Variants in DTNA observed in about 807,000 individuals in gnomAD.
DTNA encodes dystrophin-related protein 3.
Under a neutral mutation model 100.7 loss-of-function variants are expected in DTNA, and 43 were observed. The observed-to-expected ratio is 0.43, with a 90% CI of 0.33 to 0.55. The LOEUF (loss-of-function observed/expected upper bound fraction) is 0.55, where lower values mean the gene tolerates loss of function less well. DTNA is among the 20% of genes least tolerant of loss of function. The pLI is 0.04. For missense variants in DTNA, 798 were observed against 953.9 expected, an observed-to-expected ratio of 0.84 and a Z score of 2.15; for synonymous variants, 349 against 347.9, an observed-to-expected ratio of 1.00 and a Z score of -0.04.
In DTNA at chr18:34,656,210, T is replaced by C. The variant is rs73414435; in HGVS notation, c.-1-99766T>C. Among the ~76,000 whole-genome samples the C allele has an allele frequency of 9.2e-3, 1,408 of 152,356 alleles. 21 individuals are homozygous for C. The highest frequency in any genetic ancestry group is 0.032 in the African/African-American group (1,330 of 41,582). ...GCTTTTATCTCTTGAATTAGACATG[T>C]ATCAGTTATGAATTTTATTTCCAAT... On this transcript the variant is annotated intron_variant, in intron 1 of 19. Coordinates refer to the DTNA transcript ENST00000283365.
At position 34,820,851 on chromosome 18, in the gene DTNA, C is replaced by A. The variant is rs536920784; in HGVS notation, c.937C>A (p.Arg313Ser). ...LSKSLSCASS[R>S]EPLHPMFPDQ... ...CAAGTCCCTGAGCTGTGCTTCCAGC[C>A]GTGAACCTTTGCACCCCATGTTCCC... Residue 313 changes from arginine to serine, a missense_variant, in exon 9 of 23, where the codon CGT (arginine) becomes AGT (serine). By Grantham distance (110) the Arg-to-Ser change is moderately radical. Around this residue, in one of 6 missense-constraint regions of DTNA, gnomAD observed 93 missense variants for 90.5 expected, o/e 1.03. Coordinates refer to ENST00000444659, the MANE Select transcript of DTNA (RefSeq NM_001386795.1). 13 of 1,614,108 alleles carry A rather than the reference C, an allele frequency of 8.1e-6. No homozygotes were observed. The East Asian group carries it at 2.7e-4, about 33-fold the overall frequency.
At chr18:34,656,000 C>T (rs979690425) in intron 1 of DTNA, among the ~76,000 whole-genome samples, 8 of 152,216 alleles carry the variant, frequency 5.3e-5, no homozygotes, top group African/African-American at 9.7e-5. Context: ...TTTACACACA[C>T]GTGTGCACAC....
intron 1 of DTNA, among the ~76,000 whole-genome samples, chr18:34,536,585 T>C (rs1180669377): frequency 1.3e-5 from 2 of 151,964 alleles, no homozygotes; most frequent in Admixed American, 1.3e-4. Context: ...GAGTTATTTT[T>C]CTGTCAGTTT....
At chr18:34,838,060 A>C in intron 11 of DTNA, 34 bp from the exon 12 acceptor site, 1 of 1,604,964 alleles carries the variant, frequency 6.2e-7, no homozygotes, top group South Asian at 1.1e-5. Context: ...TGCCGTGTTT[A>C]CGCTCTTCTT....
intron 1 of DTNA, among the ~76,000 whole-genome samples, chr18:34,672,213 G>A (rs2076853412): frequency 6.6e-6 from 1 of 151,976 alleles, no homozygotes; most frequent in Non-Finnish European, 1.5e-5. Context: ...CTGTGGGGTG[G>A]CATTTATCTA....
At position 34,520,569 on chromosome 18, in the gene DTNA, G is replaced by T. The variant is rs145826249; in HGVS notation, c.-2+27055G>T. On this transcript the variant is annotated intron_variant, in intron 1 of 19. Transcript: ENST00000283365. ...CTAGGGAGACTGAGACAGAAGAGTT[G>T]CTTGAACGCTGGAGGCAAAGGTTGC... 2.9e-3 allele frequency among the ~76,000 whole-genome samples: 446 copies of T among 152,222 alleles called. 1 individual carries two copies. Among genetic ancestry groups the T allele is most frequent in the African/African-American group, 0.01 (426 of 41,530 alleles).
intron 17 of DTNA, chr18:34,867,683 A>C: frequency 1.0e-6 from 1 of 986,780 alleles, no homozygotes; most frequent in South Asian, 4.7e-5. Context: ...TCCCTTGGGG[A>C]TACTTTCCAG....
At position 34,731,335 on chromosome 18, in the gene DTNA, C is replaced by T. The variant is rs534081044; in HGVS notation, c.-2+20890C>T. Among the ~76,000 whole-genome samples, 17 of 151,950 alleles carry T rather than the reference C, an allele frequency of 1.1e-4. No individual in the cohort carries two copies. The East Asian group carries it at 3.1e-3, about 28-fold the overall frequency. ...TCTATTAAAAATACAAAAAATTAGC[C>T]GGGCGCGGTGGCGGGCGCCTGTAGT... is the stretch of plus-strand genomic sequence containing the variant. On this transcript the variant is annotated intron_variant, in intron 1 of 22. Transcript: ENST00000444659.
At chr18:34,801,678 T>C (rs1234668305) in intron 4 of DTNA, among the ~76,000 whole-genome samples, 1 of 151,828 alleles carries the variant, frequency 6.6e-6, no homozygotes, top group Non-Finnish European at 1.5e-5. Flanking sequence ...GCCCGGCTAA[T>C]TTTTTGTATT....
intron 1 of DTNA, among the ~76,000 whole-genome samples, chr18:34,536,766 A>G (rs1050400403): frequency 6.6e-6 from 1 of 152,058 alleles, no homozygotes; most frequent in Non-Finnish European, 1.5e-5. Context: ...TAAATTAAAT[A>G]AATAAAAACC....
chr18:34,633,220 A>G (rs1427283030), intron 1 of DTNA, among the ~76,000 whole-genome samples: 1 of 152,140 alleles, frequency 6.6e-6, no homozygotes, highest in African/African-American at 2.4e-5. Flanking sequence ...TCAGAATACA[A>G]TGCTAGAGAG....
chr18:34,885,466 T>C (rs1382573205), intron 22 of DTNA, among the ~76,000 whole-genome samples: 5 of 152,220 alleles, frequency 3.3e-5, no homozygotes, highest in African/African-American at 1.2e-4. Flanking sequence ...GCAGCATCAC[T>C]TGACTGTAGT....
At position 34,592,467 on chromosome 18, in the gene DTNA, AACACAC is replaced by A. The variant is rs3078085; in HGVS notation, c.-2+98987_-2+98992del. Among the ~76,000 whole-genome samples, 955 of 139,300 alleles carry A rather than the reference AACACAC, an allele frequency of 6.9e-3. 8 individuals carry two copies. The highest frequency in any genetic ancestry group is 0.032 in the East Asian group (152 of 4,814). 91.4% of individuals were successfully genotyped at this position (139,300 alleles called of 152,430 possible). A position where few individuals can be genotyped will look rare whatever the true frequency, so the allele number is the denominator to read the frequency against. ...TCTTCTTTTAGATATACACTTGTAT[AACACAC>A]ACACACACACACACACACACACACA... is the stretch of plus-strand genomic sequence containing the variant. On this transcript the variant is annotated intron_variant, in intron 1 of 19. Coordinates refer to the DTNA transcript ENST00000283365.
At position 34,888,354 on chromosome 18, in the gene DTNA, G is replaced by C; in HGVS notation, c.*620G>C. ...TGGTTCCTGAGTGTACAAACTCAGA[G>C]CCCGGAAGCCAAGAAGGGTCCTTGG... On this transcript the variant is annotated 3_prime_UTR_variant, in exon 23 of 23. Coordinates refer to ENST00000444659, the MANE Select transcript of DTNA (RefSeq NM_001386795.1). The C allele has an allele frequency of 1.0e-6, 1 of 985,736 alleles. No individual in the cohort carries two copies. Among genetic ancestry groups the C allele is most frequent in the Non-Finnish European group, 1.2e-6 (1 of 829,912 alleles). 61.1% of individuals were successfully genotyped at this position (985,736 alleles called of 1,614,324 possible).
chr18:34,609,976 A>G (rs1430866174), intron 1 of DTNA, among the ~76,000 whole-genome samples: 4 of 152,182 alleles, frequency 2.6e-5, no homozygotes, highest in African/African-American at 9.6e-5. Context: ...TTCTCCAAAG[A>G]GCTTAGCGAT....
chr18:34,543,537 T>C (rs1215631963), intron 1 of DTNA, among the ~76,000 whole-genome samples: 1 of 152,092 alleles, frequency 6.6e-6, no homozygotes, highest in East Asian at 1.9e-4. Context: ...ACAATTCTCA[T>C]GGATGTTAAA....
At chr18:34,539,313 C>T (rs2044026421) in intron 1 of DTNA, among the ~76,000 whole-genome samples, 1 of 151,594 alleles carries the variant, frequency 6.6e-6, no homozygotes, top group Non-Finnish European at 1.5e-5. Flanking sequence ...GACAAATTTG[C>T]ATTTTGAATT....
chr18:34,669,136 A>G (rs1467996596), intron 1 of DTNA, among the ~76,000 whole-genome samples: 4 of 152,170 alleles, frequency 2.6e-5, no homozygotes, highest in African/African-American at 7.2e-5. Context: ...TATATTTAGG[A>G]TAGTTAGCAC....
intron 18 of DTNA, among the ~76,000 whole-genome samples, chr18:34,876,175 A>T (rs2096815714): frequency 6.6e-6 from 1 of 152,222 alleles, no homozygotes. Flanking sequence ...TTATAGACAC[A>T]TACTCTTTTT....
Sources: gnomAD v4.1 joint callset for allele counts (sites outside exome capture counted in the v4.1 genomes callset) on GRCh38, gnomAD v4.1.1 for gene constraint, gnomAD v4.1.1 regional missense constraint, MANE v1.5 for transcripts, NCBI Gene and HGNC (gene_info 2026-07-23, HGNC 2026-07-21) for gene names.